Variants in ASIC2 observed in about 807,000 individuals in gnomAD.
ASIC2 encodes acid sensing ion channel subunit 2.
In ASIC2, 25 loss-of-function variants were observed where a neutral mutation model predicts 57.3. That is an observed-to-expected ratio of 0.44 (90% CI 0.32 to 0.61). The LOEUF is 0.61. Ranked by LOEUF, ASIC2 falls within the 20% of genes least tolerant of loss-of-function variation. The pLI is 0.06. For missense variants in ASIC2, 641 were observed against 738.1 expected (o/e 0.87, Z 1.52); for synonymous variants, 319 against 307.5 (o/e 1.04, Z -0.39).
At chr17:33,490,605 C>G (rs1913722530) in intron 1 of ASIC2, among the ~76,000 whole-genome samples, 1 of 152,180 alleles carries the variant, frequency 6.6e-6, no homozygotes, top group Admixed American at 6.5e-5. Context: ...TGCATAAACT[C>G]TCTCTTGCCT....
chr17:34,077,318 T>C (rs988340776), intron 1 of ASIC2, among the ~76,000 whole-genome samples: 13 of 152,144 alleles, frequency 8.5e-5, no homozygotes, highest in Non-Finnish European at 5.9e-5. Context: ...TGGGCTCCTC[T>C]CCTGTGATCG....
At chr17:34,029,635 G>C (rs1907516369) in intron 1 of ASIC2, among the ~76,000 whole-genome samples, 1 of 152,142 alleles carries the variant, frequency 6.6e-6, no homozygotes, top group Admixed American at 6.5e-5. Flanking sequence ...AATCTGATAA[G>C]ACTGTAGCCT....
chr17:34,155,489 C>A (rs563452247), intron 1 of ASIC2: 1 of 164,902 alleles, frequency 6.1e-6, no homozygotes, highest in Non-Finnish European at 1.3e-5. Context: ...CTGCCTGGGC[C>A]CCACACCCCC....
intron 1 of ASIC2, among the ~76,000 whole-genome samples, chr17:33,273,964 T>C (rs1904607272): frequency 6.6e-6 from 1 of 152,282 alleles, no homozygotes; most frequent in South Asian, 2.1e-4. Flanking sequence ...TTGCAATCAC[T>C]CTGTGGGAAG....
At chr17:33,429,520 A>G (rs1169553045) in intron 1 of ASIC2, among the ~76,000 whole-genome samples, 2 of 151,998 alleles carry the variant, frequency 1.3e-5, no homozygotes, top group Non-Finnish European at 2.9e-5. Context: ...CCTCCCGAGT[A>G]GCTGGGACTA....
At chr17:33,756,375 AAAG>A (rs1910604795) in intron 1 of ASIC2, among the ~76,000 whole-genome samples, 1 of 152,194 alleles carries the variant, frequency 6.6e-6, no homozygotes, top group Non-Finnish European at 1.5e-5. Flanking sequence ...TTATCACCAG[AAAG>A]TTGTTGGGCC....
chr17:34,092,452 C>G (rs1041971759), intron 1 of ASIC2, among the ~76,000 whole-genome samples: 4 of 152,164 alleles, frequency 2.6e-5, no homozygotes, highest in Admixed American at 6.5e-5. Flanking sequence ...CCTTGTCCCT[C>G]ATGTCCAATG....
intron 1 of ASIC2, chr17:33,571,886 A>G (rs1916459209): frequency 6.6e-6 from 1 of 152,226 alleles, no homozygotes; most frequent in Admixed American, 6.5e-5. Context: ...GTTTACCAGC[A>G]ATCCCTCAAG....
At chr17:33,161,897 T>C (rs1905174555) in intron 1 of ASIC2, among the ~76,000 whole-genome samples, 1 of 131,576 alleles carries the variant, frequency 7.6e-6, no homozygotes, top group African/African-American at 2.8e-5. Flanking sequence ...GCTTCAAAAC[T>C]GTGCTTTTAA....
intron 1 of ASIC2, among the ~76,000 whole-genome samples, chr17:33,433,139 T>A (rs1249031486): frequency 6.6e-6 from 1 of 152,098 alleles, no homozygotes; most frequent in East Asian, 1.9e-4. Flanking sequence ...AGCAAATACA[T>A]GGAATCAACC....
At chr17:33,740,798 C>T (rs899057617) in intron 1 of ASIC2, among the ~76,000 whole-genome samples, 5 of 152,154 alleles carry the variant, frequency 3.3e-5, no homozygotes, top group Admixed American at 1.3e-4. Context: ...TTAGCCACTA[C>T]TATGGGTTGT....
At chr17:33,837,296 C>T (rs1337152345) in intron 1 of ASIC2, among the ~76,000 whole-genome samples, 2 of 152,180 alleles carry the variant, frequency 1.3e-5, no homozygotes, top group Non-Finnish European at 2.9e-5. Flanking sequence ...AATGGCCTTG[C>T]ATTGGCCCTG....
chr17:33,548,281 C>G (rs573833782), intron 1 of ASIC2, among the ~76,000 whole-genome samples: 1 of 152,246 alleles, frequency 6.6e-6, no homozygotes, highest in Non-Finnish European at 1.5e-5. Flanking sequence ...AGGAAGACAA[C>G]CTATGACAGA....
At chr17:33,611,357 G>A (rs1476008647) in intron 1 of ASIC2, among the ~76,000 whole-genome samples, 1 of 152,186 alleles carries the variant, frequency 6.6e-6, no homozygotes, top group Non-Finnish European at 1.5e-5. Flanking sequence ...AATCCAGATT[G>A]CTCATCTGTA....
Position 33,119,200 on chromosome 17 carries a change from C to T in ASIC2, c.709-7133G>A, listed in dbSNP as rs1574322. Among the ~76,000 whole-genome samples the T allele has an allele frequency of 8.3e-4, 126 of 152,246 alleles. 2 individuals are homozygous for T. In the East Asian group the frequency reaches 0.023, roughly 28 times the overall value. On this transcript the variant is annotated intron_variant, in intron 1 of 9. Coordinates refer to ENST00000225823, the MANE Select transcript of ASIC2 (RefSeq NM_183377.2). ...TTAATCCTGACCTTTAGGGCTTCTT[C>T]TGGGTGATGGGTTTCTCATCTCTTC... is the stretch of plus-strand genomic sequence containing the variant.
chr17:33,637,133 G>T (rs889697649), intron 1 of ASIC2, among the ~76,000 whole-genome samples: 1 of 151,678 alleles, frequency 6.6e-6, no homozygotes, highest in African/African-American at 2.4e-5. Context: ...TTTTTTCTAA[G>T]CTCAGAGGCT....
chr17:33,155,894 G>A (rs905527976), intron 1 of ASIC2, among the ~76,000 whole-genome samples: 5 of 152,088 alleles, frequency 3.3e-5, no homozygotes, highest in African/African-American at 9.7e-5. Flanking sequence ...CTACTTGAGT[G>A]CATTGTAAGC....
intron 1 of ASIC2, among the ~76,000 whole-genome samples, chr17:33,174,780 C>G (rs1328464053): frequency 1.3e-5 from 2 of 152,158 alleles, no homozygotes; most frequent in Non-Finnish European, 2.9e-5. Flanking sequence ...GAGCCTGGGT[C>G]CCTGAGTCAC....
At chr17:34,109,702 A>G (rs1911197861) in intron 1 of ASIC2, among the ~76,000 whole-genome samples, 1 of 152,180 alleles carries the variant, frequency 6.6e-6, no homozygotes, top group Middle Eastern at 3.2e-3. Flanking sequence ...GCATCTTTTC[A>G]TGTGTATATT....
Sources: allele counts gnomAD v4.1 joint callset (sites outside exome capture counted in the v4.1 genomes callset), GRCh38; gene constraint gnomAD v4.1.1; transcripts MANE v1.5; gene names NCBI Gene and HGNC (gene_info 2026-07-23, HGNC 2026-07-21).